Variants in DICER1 observed in about 807,000 individuals in gnomAD.
DICER1 encodes the protein endoribonuclease Dicer.
In DICER1, 43 loss-of-function variants were observed where a neutral mutation model predicts 194.1. The observed-to-expected ratio is 0.22, with a 90% CI of 0.17 to 0.29. DICER1 has a LOEUF of 0.29. Ranked by LOEUF, DICER1 falls within the 10% of genes least tolerant of loss-of-function variation. DICER1 has a pLI of 1.00. For missense variants in DICER1, 1,608 were observed against 2,317.0 expected (o/e 0.69, Z 6.28); for synonymous variants, 832 against 820.5 (o/e 1.01, Z -0.24).
intron 1 of DICER1, among the ~76,000 whole-genome samples, chr14:95,149,188 T>C (rs541775704): frequency 3.9e-5 from 6 of 152,198 alleles, no homozygotes; most frequent in Non-Finnish European, 8.8e-5. Context: ...AATTTTCTCT[T>C]TGTCAAGCTG....
chr14:95,094,533 G>A (rs1170156341), intron 23 of DICER1, among the ~76,000 whole-genome samples: 1 of 152,172 alleles, frequency 6.6e-6, no homozygotes, highest in East Asian at 1.9e-4. Context: ...TCACTTAAGT[G>A]AAACCAGGGC....
intron 1 of DICER1, among the ~76,000 whole-genome samples, chr14:95,155,534 A>G (rs1415345530): frequency 6.6e-6 from 1 of 152,218 alleles, no homozygotes; most frequent in East Asian, 1.9e-4. Context: ...ATAAAGCTCA[A>G]TAATAGCAAA....
chr14:95,113,078 T>G lies in DICER1; in HGVS notation c.2040+14A>C. 1 of 1,612,746 alleles carries G rather than the reference T, an allele frequency of 6.2e-7. No homozygotes were observed. The highest frequency in any genetic ancestry group is 8.5e-7 in the Non-Finnish European group (1 of 1,178,718). The stretch of plus-strand genomic sequence containing the variant: ...ATTTTAAAAGATAACAATCATTTCT[T>G]CTTCTAAACTTACAACAATGGAGGC... On this transcript the variant is annotated intron_variant, in intron 12 of 26. Transcript: ENST00000343455.
At chr14:95,119,694 C>A (rs1419584121) in intron 8 of DICER1, among the ~76,000 whole-genome samples, 3 of 152,230 alleles carry the variant, frequency 2.0e-5, no homozygotes, top group African/African-American at 7.2e-5. Context: ...CTGAAACGAT[C>A]TGCAGTGAAG....
chr14:95,136,086 TACACACACAC>T (rs144415862), intron 1 of DICER1, among the ~76,000 whole-genome samples: 35 of 146,642 alleles, frequency 2.4e-4, no homozygotes, highest in Admixed American at 5.4e-4. Context: ...TACATGTAGA[TACACACACAC>T]ACACACACAC....
At chr14:95,134,763 AAGAC>A (rs978465674) in intron 1 of DICER1, among the ~76,000 whole-genome samples, 18 of 152,224 alleles carry the variant, frequency 1.2e-4, no homozygotes, top group African/African-American at 4.3e-4. Context: ...AGAGCCCGGT[AAGAC>A]AGCACGTCTG....
At chr14:95,097,161 C>T (rs988209987) in intron 22 of DICER1, among the ~76,000 whole-genome samples, 13 of 152,104 alleles carry the variant, frequency 8.5e-5, no homozygotes, top group South Asian at 2.1e-4. Flanking sequence ...ACTAATAAAA[C>T]GAAATTCCAG....
intron 24 of DICER1, 110 bp downstream of exon 24, chr14:95,093,778 C>CA (rs1188497526): frequency 8.2e-7 from 1 of 1,213,730 alleles, no homozygotes; most frequent in Non-Finnish European, 1.2e-6. Context: ...CTGGGTCCCA[C>CA]ACCCCTGACC....
At chr14:95,141,756 C>T (rs1894840112) in intron 1 of DICER1, 1 of 152,136 alleles carries the variant, frequency 6.6e-6, no homozygotes, top group Non-Finnish European at 1.5e-5. Flanking sequence ...AACCTAAAAG[C>T]AATCAGAGAG....
rs1555376154 is a variant in DICER1, at chr14:95,131,503, T to G, written c.438+6A>C. 6.2e-7 allele frequency: 1 copy of G among 1,613,008 alleles called. No homozygotes were observed. Among genetic ancestry groups the G allele is most frequent in the African/African-American group, 1.3e-5 (1 of 75,028 alleles). ...TTATAAAGTGAAATTTCTCTACAAG[T>G]CTTACCTGGTGCTTAGTAAACTCTT... On this transcript the variant is annotated splice_donor_region_variant and intron_variant, in intron 4 of 26. Transcript: ENST00000343455.
In DICER1 at chr14:95,124,037, G is replaced by C. The variant is rs963543450; in HGVS notation, c.1376+159C>G. Among the ~76,000 whole-genome samples, 2 of 152,162 alleles carry C rather than the reference G, an allele frequency of 1.3e-5. No homozygotes were observed. Among genetic ancestry groups the C allele is most frequent in the Non-Finnish European group, 2.9e-5 (2 of 68,028 alleles). On this transcript the variant is annotated intron_variant, in intron 8 of 26. Transcript: ENST00000343455. The surrounding 1 kb of genome is among the most constrained non-coding windows in gnomAD (Gnocchi z 4.5). ...CAGCCTTCTGGAAAACATCCTCTCT[G>C]TCAATCCCAGGACAGCATGACGTAT...
chr14:95,094,941 G>C (rs1400545377), intron 23 of DICER1, among the ~76,000 whole-genome samples: 1 of 152,190 alleles, frequency 6.6e-6, no homozygotes, highest in Non-Finnish European at 1.5e-5. Flanking sequence ...CGAGAACCCA[G>C]GTCTCGGAAC....
chr14:95,089,170 T>C lies in DICER1; in HGVS notation c.*1328A>G, dbSNP rs1889574209. 4.3e-6 allele frequency: 1 copy of C among 231,914 alleles called. No homozygotes were observed. The highest frequency in any genetic ancestry group is 1.8e-4 in the South Asian group (1 of 5,528). 14.4% of individuals were successfully genotyped at this position (231,914 alleles called of 1,614,324 possible). A position where few individuals can be genotyped will look rare whatever the true frequency, so the allele number is the denominator to read the frequency against. ...AAGTGAAGAGTGCCTACAAGTCTAA[T>C]TAAAGAAACTTAGGCAAATGCCTAA... On this transcript the variant is annotated 3_prime_UTR_variant, in exon 27 of 27. Transcript: ENST00000343455.
intron 1 of DICER1, among the ~76,000 whole-genome samples, chr14:95,150,266 T>C (rs929223556): frequency 6.6e-6 from 1 of 152,124 alleles, no homozygotes; most frequent in Non-Finnish European, 1.5e-5. Flanking sequence ...GGTGAATCAC[T>C]TGAGGTCAGG....
rs1025624872 is a variant in DICER1 at position 95,105,953 on chromosome 14, CA to C, written c.2987+87del. The stretch of plus-strand genomic sequence containing the variant: ...TGATTTCAGATAGTCCACGGGTGGG[CA>C]GGGGGACAGTGAACCTCTGCATGTC... On this transcript the variant is annotated intron_variant, in intron 18 of 26. Transcript: ENST00000343455. The surrounding 1 kb of genome is among the most constrained non-coding windows in gnomAD (Gnocchi z 4.9). 1 of 1,490,140 alleles carries C rather than the reference CA, an allele frequency of 6.7e-7. No homozygotes were observed. The highest frequency in any genetic ancestry group is 1.4e-5 in the African/African-American group (1 of 72,392). 92.3% of individuals were successfully genotyped at this position (1,490,140 alleles called of 1,614,324 possible). A position where few individuals can be genotyped will look rare whatever the true frequency, so the allele number is the denominator to read the frequency against.
intron 1 of DICER1, among the ~76,000 whole-genome samples, chr14:95,135,923 A>G (rs1042123659): frequency 6.6e-6 from 1 of 152,232 alleles, no homozygotes; most frequent in African/African-American, 2.4e-5. Flanking sequence ...TTAAAACGAG[A>G]TAACAGCAAT....
In DICER1 at chr14:95,088,034, T is replaced by C; in HGVS notation, c.*2464A>G. 4.3e-6 allele frequency: 1 copy of C among 233,054 alleles called. No individual in the cohort carries two copies. 14.4% of individuals were successfully genotyped at this position (233,054 alleles called of 1,614,324 possible). Reference sequence around the variant, plus strand: ...AAAGCGTTCATAACCATTTCATATGTCTAACTCGTACTTTTTTATTTTTTA... The same window carrying C: ...AAAGCGTTCATAACCATTTCATATGCCTAACTCGTACTTTTTTATTTTTTA... On this transcript the variant is annotated 3_prime_UTR_variant, in exon 27 of 27. Coordinates refer to ENST00000343455, the MANE Select transcript of DICER1 (RefSeq NM_177438.3).
At position 95,086,822 on chromosome 14, in the gene DICER1, A is replaced by G. The variant is rs1889372110; in HGVS notation, c.*3676T>C. ...AAGAAATTTATCTGGAAATAATTAA[A>G]TTCCTGAAAAGTAATCAGTGGTTGG... On this transcript the variant is annotated 3_prime_UTR_variant, in exon 27 of 27. Transcript: ENST00000343455. The G allele has an allele frequency of 4.3e-6, 1 of 232,436 alleles. No homozygotes were observed. The highest frequency in any genetic ancestry group is 8.5e-6 in the Non-Finnish European group (1 of 117,672). 14.4% of individuals were successfully genotyped at this position (232,436 alleles called of 1,614,324 possible).
At chr14:95,099,000 T>C (rs1890613798) in intron 22 of DICER1, among the ~76,000 whole-genome samples, 1 of 152,100 alleles carries the variant, frequency 6.6e-6, no homozygotes, top group Non-Finnish European at 1.5e-5. Flanking sequence ...AAAAAAACGG[T>C]ATTATCATTG....
Sources: allele counts gnomAD v4.1 joint callset (sites outside exome capture counted in the v4.1 genomes callset), GRCh38; gene constraint gnomAD v4.1.1; non-coding constraint Gnocchi (gnomAD v3.1); transcripts MANE v1.5; gene names NCBI Gene and HGNC (gene_info 2026-07-23, HGNC 2026-07-21).